SPECC1: variants seen among roughly 807,000 people sequenced by gnomAD.
The protein encoded by SPECC1 is sperm antigen with calponin homology and coiled-coil domains 1, also known as cytospin-B.
SPECC1 carries 62 observed loss-of-function variants against 104.1 expected under a neutral mutation model. The observed-to-expected ratio is 0.60, with a 90% CI of 0.49 to 0.74. SPECC1 has a LOEUF of 0.74. Ranked by LOEUF, SPECC1 falls within the 30% of genes least tolerant of loss-of-function variation. SPECC1 has a pLI of 0.00. For missense variants in SPECC1, 1,306 were observed against 1,310.5 expected, an observed-to-expected ratio of 1.00 and a Z score of 0.05; for synonymous variants, 513 against 501.6, an observed-to-expected ratio of 1.02 and a Z score of -0.30.
intron 3 of SPECC1, among the ~76,000 whole-genome samples, chr17:20,193,341 A>G (rs979654213): frequency 1.3e-5 from 2 of 152,196 alleles, no homozygotes; most frequent in Non-Finnish European, 2.9e-5. Context: ...CTGGGAATAC[A>G]GCCCAGTAGG....
chr17:20,168,255 T>TA (rs977132065), intron 3 of SPECC1, among the ~76,000 whole-genome samples: 59 of 152,214 alleles, frequency 3.9e-4, no homozygotes, highest in Non-Finnish European at 7.5e-4. Flanking sequence ...ACCATGCATT[T>TA]AAAAAAACAT....
chr17:20,027,501 G>C (rs2044642274), intron 1 of SPECC1, among the ~76,000 whole-genome samples: 1 of 152,076 alleles, frequency 6.6e-6, no homozygotes, highest in African/African-American at 2.4e-5. Flanking sequence ...TCTTTGCCTG[G>C]ACCAATGTCC....
chr17:20,155,936 T>A, intron 3 of SPECC1: 1 of 1,226,710 alleles, frequency 8.2e-7, no homozygotes, highest in South Asian at 3.2e-5. Flanking sequence ...GGTGTGCAGT[T>A]GAGGTGGTCC....
intron 1 of SPECC1, among the ~76,000 whole-genome samples, chr17:20,059,832 A>C (rs549562588): frequency 2.5e-4 from 38 of 152,344 alleles, no homozygotes; most frequent in African/African-American, 9.1e-4. Context: ...ACTGCACTCC[A>C]GCCTGTGTGA....
At chr17:20,268,262 C>T (rs776269421) in intron 12 of SPECC1, among the ~76,000 whole-genome samples, 15 of 152,202 alleles carry the variant, frequency 9.9e-5, no homozygotes, top group Non-Finnish European at 1.5e-4. Context: ...AGGTTTTAAC[C>T]TGTTAGCTCA....
intron 1 of SPECC1, among the ~76,000 whole-genome samples, chr17:20,048,132 G>A (rs2045607308): frequency 6.7e-6 from 1 of 149,434 alleles, no homozygotes; most frequent in Non-Finnish European, 1.5e-5. Context: ...CTAGAGAAAT[G>A]AGTCTTTTTT....
Position 20,173,563 on chromosome 17 carries a change from A to G in SPECC1, c.284-30770A>G, listed in dbSNP as rs2034244267. Reference sequence around the variant, plus strand: ...GCCTCCCAGCAGTCTAGCCATCTCAACCATAAAGGAATGGCGAAGTAATGA... The same window carrying G: ...GCCTCCCAGCAGTCTAGCCATCTCAGCCATAAAGGAATGGCGAAGTAATGA... On this transcript the variant is annotated intron_variant, in intron 3 of 14. Transcript: ENST00000395527. Among the ~76,000 whole-genome samples the G allele has an allele frequency of 2.0e-5, 3 of 152,184 alleles. No homozygotes were observed. The South Asian group carries it at 6.2e-4, about 32-fold the overall frequency.
intron 7 of SPECC1, among the ~76,000 whole-genome samples, chr17:20,235,759 A>G (rs1460801106): frequency 2.6e-5 from 4 of 152,252 alleles, no homozygotes; most frequent in Admixed American, 2.6e-4. Flanking sequence ...TTTAAAAGAG[A>G]TAATTAAACA....
At chr17:20,111,625 G>A (rs2048494900) in intron 3 of SPECC1, among the ~76,000 whole-genome samples, 1 of 152,216 alleles carries the variant, frequency 6.6e-6, no homozygotes, top group Non-Finnish European at 1.5e-5. Context: ...CCTAGGGGCA[G>A]GGTGGGAATG....
intron 3 of SPECC1, among the ~76,000 whole-genome samples, chr17:20,157,118 G>T (rs138740081): frequency 6.6e-6 from 1 of 152,304 alleles, no homozygotes; most frequent in East Asian, 1.9e-4. Context: ...CGACTTGTCC[G>T]AGTGACCTTT....
intron 3 of SPECC1, among the ~76,000 whole-genome samples, chr17:20,119,698 T>A (rs996495432): frequency 1.3e-5 from 2 of 152,264 alleles, no homozygotes; most frequent in Non-Finnish European, 2.9e-5. Context: ...GCAGTGCCTG[T>A]CTGTTGCAGG....
At chr17:20,258,279 G>C (rs1395241527) in intron 11 of SPECC1, among the ~76,000 whole-genome samples, 1 of 152,156 alleles carries the variant, frequency 6.6e-6, no homozygotes, top group African/African-American at 2.4e-5. Flanking sequence ...TGTTTAAGAA[G>C]GACTGTCACA....
At chr17:20,151,873 A>C (rs1036055601) in intron 3 of SPECC1, among the ~76,000 whole-genome samples, 3 of 151,544 alleles carry the variant, frequency 2.0e-5, no homozygotes, top group African/African-American at 7.3e-5. Context: ...ACATGGTGAA[A>C]CCCTGTCTCT....
At chr17:20,289,099 A>G (rs1567610066) in intron 12 of SPECC1, among the ~76,000 whole-genome samples, 2 of 152,010 alleles carry the variant, frequency 1.3e-5, no homozygotes, top group Non-Finnish European at 2.9e-5. Flanking sequence ...CACTTCTTAC[A>G]TGGTGGTGGT....
intron 3 of SPECC1, among the ~76,000 whole-genome samples, chr17:20,173,603 A>C (rs2034248567): frequency 6.6e-6 from 1 of 152,188 alleles, no homozygotes; most frequent in African/African-American, 2.4e-5. Flanking sequence ...AACTTGCCTT[A>C]TTGGAGAGTG....
chr17:20,194,502 A>ATTTTTTTTTTTTTTT (rs1209589252), intron 3 of SPECC1, among the ~76,000 whole-genome samples: 9 of 86,562 alleles, frequency 1.0e-4, no homozygotes, highest in African/African-American at 2.1e-4. Flanking sequence ...AAGAGAACGA[A>ATTTTTTTTTTTTTTT]TTTTTTTTTT....
rs2036744830 is a variant in SPECC1 at position 20,205,855 on chromosome 17, A to G, written c.1806A>G (p.Arg602=). The G allele has an allele frequency of 8.7e-6, 14 of 1,614,088 alleles. No individual in the cohort carries two copies. The highest frequency in any genetic ancestry group is 1.2e-5 in the Non-Finnish European group (14 of 1,180,018). ...TGGAACTGTCTTGCAATGAGCTCAG[A>G]CAAGAATTACTAAAGGCAAACGGTG... is the stretch of plus-strand genomic sequence containing the variant. The part of the protein sequence containing the change: ...DLLELSCNEL[R]QELLKANGEI... Residue 602 remains arginine, a synonymous_variant, in exon 4 of 15, where the codon AGA becomes AGG. Coordinates refer to ENST00000395527, the MANE Select transcript of SPECC1 (RefSeq NM_001243439.2).
intron 1 of SPECC1, among the ~76,000 whole-genome samples, chr17:20,094,929 C>G (rs941118010): frequency 2.0e-5 from 3 of 152,212 alleles, no homozygotes; most frequent in African/African-American, 4.8e-5. Context: ...TAATTCTAAT[C>G]ATAACATAAA....
At chr17:20,301,826 C>T (rs558904754) in intron 13 of SPECC1, among the ~76,000 whole-genome samples, 1 of 152,226 alleles carries the variant, frequency 6.6e-6, no homozygotes, top group Admixed American at 6.5e-5. Flanking sequence ...CTGCCTCAAC[C>T]TCTCGAGTAG....
Sources: gnomAD v4.1 joint callset for allele counts (sites outside exome capture counted in the v4.1 genomes callset) on GRCh38, gnomAD v4.1.1 for gene constraint, MANE v1.5 for transcripts, NCBI Gene and HGNC (gene_info 2026-07-23, HGNC 2026-07-21) for gene names.